The following SPTLC3 variants were observed in gnomAD, a reference collection of about 807,000 sequenced individuals.
SPTLC3 encodes serine palmitoyltransferase 3.
In SPTLC3, 36 loss-of-function variants were observed where a neutral mutation model predicts 59.3. The observed-to-expected ratio is 0.61, with a 90% CI of 0.47 to 0.80. The LOEUF is 0.80. Among genes scored for constraint, SPTLC3 ranks in the 30% least tolerant of loss-of-function variants. The pLI, the probability that SPTLC3 is intolerant of heterozygous loss-of-function variation, is 0.00. For synonymous variants in SPTLC3, 257 were observed against 240.8 expected (o/e 1.07, Z -0.62); for missense variants, 625 against 685.1 (o/e 0.91, Z 0.98).
chr20:13,126,204 A>G lies in SPTLC3; in HGVS notation c.1153-387A>G, dbSNP rs6134789. On this transcript the variant is annotated intron_variant, in intron 8 of 11. Transcript: ENST00000399002. Reference sequence around the variant, plus strand: ...TCTACCATGCTTGTTCATGGGCACAATCATATGTAATATTCTCAAGGGCAA... The same window carrying G: ...TCTACCATGCTTGTTCATGGGCACAGTCATATGTAATATTCTCAAGGGCAA... 2.5e-4 allele frequency among the ~76,000 whole-genome samples: 38 copies of G among 152,272 alleles called. No homozygotes were observed. The East Asian group carries it at 7.2e-3, about 29-fold the overall frequency.
At chr20:13,153,336 A>G (rs1473929190) in intron 9 of SPTLC3, among the ~76,000 whole-genome samples, 1 of 152,082 alleles carries the variant, frequency 6.6e-6, no homozygotes, top group Non-Finnish European at 1.5e-5. Flanking sequence ...CTTGACATGG[A>G]CCCATGTATG....
In SPTLC3 at chr20:13,019,943, T is replaced by G. The variant is rs549019490; in HGVS notation, c.117+10559T>G. On this transcript the variant is annotated intron_variant, in intron 1 of 11. Transcript: ENST00000399002. ...GCTGTTATATACTTTCTAATGAAAA[T>G]TAATATGTCCATAACTGCAAAATTT... is the stretch of plus-strand genomic sequence containing the variant. Among the ~76,000 whole-genome samples, 4 of 152,286 alleles carry G rather than the reference T, an allele frequency of 2.6e-5. No homozygotes were observed. The East Asian group carries it at 7.7e-4, about 29-fold the overall frequency.
At chr20:13,068,040 G>A (rs997130993) in intron 2 of SPTLC3, among the ~76,000 whole-genome samples, 14 of 152,212 alleles carry the variant, frequency 9.2e-5, no homozygotes, top group African/African-American at 2.6e-4. Context: ...TTTGGGAACT[G>A]GAAATATTAA....
At chr20:13,025,964 T>C (rs566493700) in intron 1 of SPTLC3, among the ~76,000 whole-genome samples, 25 of 152,292 alleles carry the variant, frequency 1.6e-4, no homozygotes, top group Non-Finnish European at 1.5e-5. Flanking sequence ...CTCCCACTTC[T>C]GAGAACATAT....
intron 6 of SPTLC3, among the ~76,000 whole-genome samples, chr20:13,098,348 C>T (rs1989493636): frequency 6.6e-6 from 1 of 152,120 alleles, no homozygotes; most frequent in African/African-American, 2.4e-5. Context: ...GGTGGACAGA[C>T]ATAGCTATAA....
chr20:13,013,673 G>A (rs1033319911), intron 1 of SPTLC3, among the ~76,000 whole-genome samples: 1 of 152,150 alleles, frequency 6.6e-6, no homozygotes, highest in Non-Finnish European at 1.5e-5. Flanking sequence ...CAGTCATTAA[G>A]ATGAAAATAT....
At chr20:13,145,745 C>T (rs2038495145) in intron 9 of SPTLC3, among the ~76,000 whole-genome samples, 1 of 152,170 alleles carries the variant, frequency 6.6e-6, no homozygotes, top group East Asian at 1.9e-4. Context: ...CACTATACTA[C>T]AAGGCTACAG....
chr20:13,101,318 T>C (rs1260735335), intron 6 of SPTLC3, among the ~76,000 whole-genome samples: 2 of 152,196 alleles, frequency 1.3e-5, no homozygotes, highest in Non-Finnish European at 2.9e-5. Context: ...GTTAACACTC[T>C]TAACCACTAG....
intron 2 of SPTLC3, among the ~76,000 whole-genome samples, chr20:13,068,237 C>T (rs1307616283): frequency 6.6e-6 from 1 of 152,158 alleles, no homozygotes; most frequent in African/African-American, 2.4e-5. Context: ...GTTTAACTCA[C>T]TTCTTTCTAC....
intron 2 of SPTLC3, among the ~76,000 whole-genome samples, chr20:13,056,662 C>A (rs1306225348): frequency 6.6e-6 from 1 of 151,552 alleles, no homozygotes; most frequent in Admixed American, 6.6e-5. Context: ...GTTGCCTAGG[C>A]TGGTCTCAAA....
intron 2 of SPTLC3, among the ~76,000 whole-genome samples, chr20:13,065,465 A>C (rs2122549770): frequency 6.6e-6 from 1 of 151,904 alleles, no homozygotes; most frequent in East Asian, 1.9e-4. Context: ...CGGAAAATGT[A>C]TGTCTCTTAT....
chr20:13,152,566 G>C (rs1238526214), intron 9 of SPTLC3, among the ~76,000 whole-genome samples: 1 of 152,156 alleles, frequency 6.6e-6, no homozygotes. Flanking sequence ...CTCCAGGTTA[G>C]GACAAAGATG....
At chr20:13,070,685 C>G (rs574162722) in intron 2 of SPTLC3, among the ~76,000 whole-genome samples, 1 of 152,156 alleles carries the variant, frequency 6.6e-6, no homozygotes, top group Non-Finnish European at 1.5e-5. Context: ...CCTCAAGCTT[C>G]CCACTGTCTG....
chr20:13,091,301 A>G, intron 5 of SPTLC3, 94 bp downstream of exon 5: 6 of 1,479,868 alleles, frequency 4.1e-6, no homozygotes, highest in Non-Finnish European at 5.5e-6. Context: ...TGAGATGGGC[A>G]CGGTGGTTCA....
chr20:13,126,744 T>A (rs745756339), intron 9 of SPTLC3, 27 bp downstream of exon 9: 3 of 1,612,100 alleles, frequency 1.9e-6, no homozygotes, highest in Non-Finnish European at 2.5e-6. Flanking sequence ...AGAGCACAGC[T>A]CCTGGACCTC....
chr20:13,063,175 G>C (rs1988039365), intron 2 of SPTLC3, among the ~76,000 whole-genome samples: 1 of 152,148 alleles, frequency 6.6e-6, no homozygotes, highest in African/African-American at 2.4e-5. Flanking sequence ...CTGATTAATA[G>C]TATGACTGCA....
At chr20:13,080,985 A>T (rs1988823329) in intron 4 of SPTLC3, among the ~76,000 whole-genome samples, 1 of 152,190 alleles carries the variant, frequency 6.6e-6, no homozygotes. Flanking sequence ...CTTTAGCACC[A>T]TGGTCAAGAA....
rs560682980 is a variant in SPTLC3 at position 13,051,918 on chromosome 20, C to T, written c.303+2788C>T. 6.6e-5 allele frequency among the ~76,000 whole-genome samples: 10 copies of T among 152,138 alleles called. No homozygotes were observed. In the South Asian group the frequency reaches 2.1e-3, roughly 32 times the overall value. On this transcript the variant is annotated intron_variant, in intron 2 of 11. Transcript: ENST00000399002. ...ACAATAATGACATAACTTATCAAAA[C>T]CTAAGGCAGTGCTAAGAGAAAGTTC...
At chr20:13,096,202 T>C (rs1475549586) in intron 6 of SPTLC3, among the ~76,000 whole-genome samples, 2 of 152,184 alleles carry the variant, frequency 1.3e-5, no homozygotes, top group Non-Finnish European at 2.9e-5. Context: ...ACAACTTCTT[T>C]GGAAAGTTAT....
Sources: gnomAD v4.1 joint callset for allele counts (sites outside exome capture counted in the v4.1 genomes callset) on GRCh38, gnomAD v4.1.1 for gene constraint, MANE v1.5 for transcripts, NCBI Gene and HGNC (gene_info 2026-07-23, HGNC 2026-07-21) for gene names.